BABAM2: variants seen among roughly 807,000 people sequenced by gnomAD.
BABAM2 encodes the protein BRISC and BRCA1-A complex member 2.
A neutral mutation model predicts 54.7 loss-of-function variants in BABAM2; 31 were observed. The ratio of observed to expected loss-of-function variants is 0.57; its 90% CI spans 0.43 to 0.77. The LOEUF (loss-of-function observed/expected upper bound fraction) is 0.77. Among genes scored for constraint, BABAM2 ranks in the 30% least tolerant of loss-of-function variants. The pLI is 0.00. For synonymous variants in BABAM2, 167 were observed against 162.9 expected (o/e 1.03, Z -0.19); for missense variants, 364 against 455.8 (o/e 0.80, Z 1.83).
At chr2:28,175,806 A>C (rs75450245) in intron 7 of BABAM2, among the ~76,000 whole-genome samples, 1 of 152,190 alleles carries the variant, frequency 6.6e-6, no homozygotes, top group East Asian at 1.9e-4. Context: ...ACTAATGCCA[A>C]TGCACTCATA....
intron 3 of BABAM2, among the ~76,000 whole-genome samples, chr2:27,972,233 A>T (rs540574089): frequency 6.6e-6 from 1 of 152,328 alleles, no homozygotes; most frequent in Admixed American, 6.5e-5. Flanking sequence ...AGAAGATTAA[A>T]AGAAGACCTG....
chr2:27,956,506 A>G (rs1195001187), intron 3 of BABAM2, among the ~76,000 whole-genome samples: 1 of 152,210 alleles, frequency 6.6e-6, no homozygotes, highest in African/African-American at 2.4e-5. Context: ...TGTGATTTCC[A>G]AGATCTGTTG....
chr2:28,020,328 T>TA (rs935131994), intron 4 of BABAM2, among the ~76,000 whole-genome samples: 108 of 152,336 alleles, frequency 7.1e-4, no homozygotes, highest in African/African-American at 2.4e-3. Flanking sequence ...AGTATGCTAT[T>TA]ATGTTTTCTT....
intron 5 of BABAM2, among the ~76,000 whole-genome samples, chr2:28,043,131 G>T (rs1008421566): frequency 2.2e-5 from 3 of 138,858 alleles, no homozygotes; most frequent in Non-Finnish European, 4.8e-5. Flanking sequence ...TTGGGAGCAT[G>T]TTTTTTTTTT....
Position 28,334,130 on chromosome 2 carries a change from C to T in BABAM2, c.1089-4320C>T, listed in dbSNP as rs929413845. Among the ~76,000 whole-genome samples the T allele has an allele frequency of 4.6e-5, 7 of 152,218 alleles. No individual in the cohort carries two copies. In the East Asian group the frequency reaches 5.8e-4, roughly 13 times the overall value. Reference sequence around the variant, plus strand: ...CTCGCCACGCTTCCCCTTGGCAGCACGCAGTTGGCCCTGGCAGGGAAAGCC... The same window carrying T: ...CTCGCCACGCTTCCCCTTGGCAGCATGCAGTTGGCCCTGGCAGGGAAAGCC... On this transcript the variant is annotated intron_variant, in intron 11 of 11. Coordinates refer to ENST00000379624, the MANE Select transcript of BABAM2 (RefSeq NM_199191.3).
chr2:28,049,052 C>T (rs920889327), intron 6 of BABAM2, among the ~76,000 whole-genome samples: 9 of 152,170 alleles, frequency 5.9e-5, no homozygotes, highest in Admixed American at 4.6e-4. Flanking sequence ...GAATTGTCTA[C>T]TAACATTTTT....
intron 7 of BABAM2, among the ~76,000 whole-genome samples, chr2:28,205,152 A>G (rs1306634751): frequency 6.6e-6 from 1 of 152,084 alleles, no homozygotes; most frequent in Non-Finnish European, 1.5e-5. Flanking sequence ...CCATTGATAT[A>G]GGGAAAGAGG....
intron 7 of BABAM2, among the ~76,000 whole-genome samples, chr2:28,191,006 C>A (rs181443623): frequency 6.6e-6 from 1 of 152,058 alleles, no homozygotes; most frequent in Non-Finnish European, 1.5e-5. Context: ...GGCACGGTTA[C>A]AAAATAAAAC....
At chr2:28,236,407 G>T (rs1478643959) in intron 7 of BABAM2, among the ~76,000 whole-genome samples, 3 of 144,146 alleles carry the variant, frequency 2.1e-5, no homozygotes, top group African/African-American at 7.8e-5. Flanking sequence ...TGTATCGCCC[G>T]TGCTGGAGTG....
rs1010598648 is a variant in BABAM2, at chr2:28,209,078, T to C, written c.681-28124T>C. Among the ~76,000 whole-genome samples the C allele has an allele frequency of 1.4e-4, 22 of 152,196 alleles. No individual in the cohort carries two copies. The East Asian group carries it at 1.5e-3, about 11-fold the overall frequency. ...AGGTCTGAGGGTCCCTAGCAAATTA[T>C]TTGCAACAATACAACTTTTGATATT... On this transcript the variant is annotated intron_variant, in intron 7 of 11. Coordinates refer to ENST00000379624, the MANE Select transcript of BABAM2 (RefSeq NM_199191.3).
chr2:28,284,623 A>AT (rs1165490945), intron 10 of BABAM2, among the ~76,000 whole-genome samples: 1 of 152,132 alleles, frequency 6.6e-6, no homozygotes, highest in Non-Finnish European at 1.5e-5. Flanking sequence ...TAGAGCTATG[A>AT]TTTTTTATTT....
chr2:28,155,770 G>T (rs897841488), intron 7 of BABAM2, among the ~76,000 whole-genome samples: 1 of 152,132 alleles, frequency 6.6e-6, no homozygotes, highest in African/African-American at 2.4e-5. Context: ...TAGAAGGATG[G>T]AAACCCTGTA....
chr2:28,312,454 A>G (rs1265949956), intron 11 of BABAM2, among the ~76,000 whole-genome samples: 3 of 152,186 alleles, frequency 2.0e-5, no homozygotes, highest in Non-Finnish European at 4.4e-5. Flanking sequence ...AAGCCTACTG[A>G]TTGATTTCTG....
intron 6 of BABAM2, among the ~76,000 whole-genome samples, chr2:28,070,421 C>A (rs1387569809): frequency 1.3e-5 from 2 of 152,164 alleles, no homozygotes; most frequent in African/African-American, 4.8e-5. Context: ...TGGCCATACG[C>A]TGGCTCTCTT....
At chr2:28,143,111 C>A (rs1480173487) in intron 7 of BABAM2, among the ~76,000 whole-genome samples, 1 of 151,286 alleles carries the variant, frequency 6.6e-6, no homozygotes, top group Non-Finnish European at 1.5e-5. Context: ...GGGAAACAAC[C>A]TAATTGTCCA....
intron 3 of BABAM2, among the ~76,000 whole-genome samples, chr2:27,947,451 A>T (rs561234074): frequency 6.7e-6 from 1 of 150,350 alleles, no homozygotes; most frequent in African/African-American, 2.4e-5. Flanking sequence ...CCCCTACTCA[A>T]CTCCTCTGGC....
At chr2:28,124,251 A>G (rs1669309837) in intron 6 of BABAM2, among the ~76,000 whole-genome samples, 1 of 152,246 alleles carries the variant, frequency 6.6e-6, no homozygotes, top group Non-Finnish European at 1.5e-5. Flanking sequence ...GTTCCTATGA[A>G]TGTCTTCAAG....
intron 4 of BABAM2, among the ~76,000 whole-genome samples, chr2:28,005,959 C>G (rs543313816): frequency 6.6e-6 from 1 of 152,158 alleles, no homozygotes; most frequent in Non-Finnish European, 1.5e-5. Flanking sequence ...ATACCATTAT[C>G]TTATCTAAAC....
At chr2:27,984,407 G>A (rs1482705327) in intron 3 of BABAM2, among the ~76,000 whole-genome samples, 3 of 151,990 alleles carry the variant, frequency 2.0e-5, no homozygotes, top group Non-Finnish European at 2.9e-5. Context: ...TTTAGCCAAG[G>A]CTTGAGTTAA....
Sources: allele counts gnomAD v4.1 joint callset (sites outside exome capture counted in the v4.1 genomes callset), GRCh38; gene constraint gnomAD v4.1.1; transcripts MANE v1.5; gene names NCBI Gene and HGNC (gene_info 2026-07-23, HGNC 2026-07-21).